The following MTMR14 variants were observed in gnomAD, a reference collection of about 807,000 sequenced individuals.
MTMR14 encodes phosphatidylinositol-3,5-bisphosphate 3-phosphatase MTMR14.
In MTMR14, 48 loss-of-function variants were observed where a neutral mutation model predicts 86.3. The observed-to-expected ratio is 0.56, with a 90% CI of 0.44 to 0.71. The LOEUF (loss-of-function observed/expected upper bound fraction) is 0.71. Ranked by LOEUF, MTMR14 falls within the 30% of genes least tolerant of loss-of-function variation. MTMR14 has a pLI of 0.00. For missense variants in MTMR14, 780 were observed against 834.6 expected, an observed-to-expected ratio of 0.93 and a Z score of 0.81; for synonymous variants, 366 against 326.1, an observed-to-expected ratio of 1.12 and a Z score of -1.32.
At chr3:9,675,637 C>A (rs781445896) in intron 7 of MTMR14, 2 of 457,310 alleles carry the variant, frequency 4.4e-6, no homozygotes, top group African/African-American at 4.0e-5. Context: ...TGGTCCCTCT[C>A]CTCTTGCCTG....
chr3:9,702,129 C>A lies in MTMR14; in HGVS notation c.*156C>A. ...TGGCAGCCCCAAAGCTGAGCAAGGCCAAAGACAGGGTTTTCCAACCCCCAG... is the reference window on the plus strand; with the variant it reads ...TGGCAGCCCCAAAGCTGAGCAAGGCAAAAGACAGGGTTTTCCAACCCCCAG... On this transcript the variant is annotated 3_prime_UTR_variant, in exon 19 of 19. Transcript: ENST00000296003. 1.0e-6 allele frequency: 1 copy of A among 977,074 alleles called. No homozygotes were observed. Among genetic ancestry groups the A allele is most frequent in the Non-Finnish European group, 1.6e-6 (1 of 640,808 alleles). The allele number at this position is 977,074 out of a possible 1,614,324, so 60.5% of individuals were successfully genotyped here.
intron 16 of MTMR14, 71 bp downstream of exon 16, chr3:9,689,153 C>G: frequency 1.3e-6 from 2 of 1,592,630 alleles, no homozygotes; most frequent in South Asian, 1.1e-5. Flanking sequence ...GGGAGCCAGG[C>G]TGGAGCCCCA....
At chr3:9,660,993 G>C (rs1442973284) in intron 2 of MTMR14, among the ~76,000 whole-genome samples, 3 of 152,194 alleles carry the variant, frequency 2.0e-5, no homozygotes, top group Non-Finnish European at 4.4e-5. Flanking sequence ...AGCGTGATTT[G>C]ATATGGGTAT....
chr3:9,669,919 G>T (rs571057048), intron 5 of MTMR14, among the ~76,000 whole-genome samples: 56 of 152,290 alleles, frequency 3.7e-4, no homozygotes, highest in African/African-American at 1.1e-3. Flanking sequence ...TAGGAGACAT[G>T]AGGTCTAGCC....
At chr3:9,676,716 G>A (rs1334218973) in intron 7 of MTMR14, among the ~76,000 whole-genome samples, 5 of 152,246 alleles carry the variant, frequency 3.3e-5, no homozygotes, top group Non-Finnish European at 7.3e-5. Context: ...CTGAGGGCTT[G>A]TCCTGGTGGA....
intron 17 of MTMR14, 21 bp from the exon 18 acceptor site, chr3:9,697,688 CCT>C (rs2076323823): frequency 4.3e-6 from 7 of 1,611,100 alleles, no homozygotes; most frequent in South Asian, 2.2e-5. Context: ...CATCCTCTCC[CCT>C]CTCTCTCCTC....
intron 5 of MTMR14, 62 bp downstream of exon 5, chr3:9,669,554 G>T: frequency 6.5e-7 from 1 of 1,548,302 alleles, no homozygotes; most frequent in South Asian, 1.2e-5. Context: ...GGCCAGAGAT[G>T]GCCATGTTCA....
intron 13 of MTMR14, 38 bp downstream of exon 13, chr3:9,685,285 C>T (rs1344858401): frequency 6.2e-7 from 1 of 1,612,316 alleles, no homozygotes; most frequent in African/African-American, 1.3e-5. Context: ...CACAGCTCAG[C>T]ACTGAAAGAG....
chr3:9,675,359 G>T (rs1205136453), intron 7 of MTMR14, among the ~76,000 whole-genome samples: 2 of 152,114 alleles, frequency 1.3e-5, no homozygotes, highest in Non-Finnish European at 2.9e-5. Flanking sequence ...ATAAGAAAAA[G>T]AAATAAAATT....
rs4021721 is a variant in MTMR14 at position 9,663,501 on chromosome 3, CT to C, written c.417+1152del. The stretch of plus-strand genomic sequence containing the variant: ...TTTTTTTTTGAGATGGAGTCTCTCT[CT>C]TTTTTTTTTTTTTTTTTTTTTTTTT... On this transcript the variant is annotated intron_variant, in intron 3 of 18. Transcript: ENST00000296003. 2.5e-3 allele frequency among the ~76,000 whole-genome samples: 174 copies of C among 69,950 alleles called. 1 individual carries two copies. The highest frequency in any genetic ancestry group is 7.0e-3 in the African/African-American group (145 of 20,728). 45.9% of individuals were successfully genotyped at this position (69,950 alleles called of 152,430 possible).
chr3:9,684,152 A>C (rs2075859879), intron 10 of MTMR14, among the ~76,000 whole-genome samples: 1 of 152,162 alleles, frequency 6.6e-6, no homozygotes, highest in South Asian at 2.1e-4. Flanking sequence ...AGGGTGGGGA[A>C]GGTAGTACTA....
chr3:9,694,982 G>C (rs1218870000), intron 17 of MTMR14, among the ~76,000 whole-genome samples: 1 of 152,194 alleles, frequency 6.6e-6, no homozygotes, highest in Admixed American at 6.5e-5. Flanking sequence ...CTGAAGCGTT[G>C]TTCAGCTCCG....
chr3:9,678,001 A>G lies in MTMR14; in HGVS notation c.840A>G (p.Pro280=), dbSNP rs2075638061. ...GTCCCCAGGACTACGTTGATGCCCC[A>G]TTGAGCATCCCCGACTTCCTGACTC... The part of the protein sequence containing the change: ...FNWKQDYVDA[P]LSIPDFLTHS... Residue 280 remains proline (P), a synonymous_variant, in exon 9 of 19, where the codon CCA becomes CCG. Coordinates refer to ENST00000296003, the MANE Select transcript of MTMR14 (RefSeq NM_001077525.3). 1 of 1,614,040 alleles carries G rather than the reference A, an allele frequency of 6.2e-7. No individual in the cohort carries two copies. The highest frequency in any genetic ancestry group is 1.3e-5 in the African/African-American group (1 of 75,022).
chr3:9,695,768 C>T lies in MTMR14; in HGVS notation c.1614-1943C>T, dbSNP rs2076264505. 1.3e-5 allele frequency among the ~76,000 whole-genome samples: 2 copies of T among 152,210 alleles called. 1 individual carries two copies. The highest frequency in any genetic ancestry group is 4.1e-4 in the South Asian group (2 of 4,828). On this transcript the variant is annotated intron_variant, in intron 17 of 18. Transcript: ENST00000296003. Reference sequence around the variant, plus strand: ...CTGGTTTTTAGCTGTTGTTTTCCCACAAGCTGCTAGAACTGGAAAAGATTC... The same window carrying T: ...CTGGTTTTTAGCTGTTGTTTTCCCATAAGCTGCTAGAACTGGAAAAGATTC...
chr3:9,657,107 G>A (rs1312112300), intron 2 of MTMR14, among the ~76,000 whole-genome samples: 2 of 151,798 alleles, frequency 1.3e-5, no homozygotes, highest in Non-Finnish European at 2.9e-5. Context: ...TAGAGACCAG[G>A]TCTCGCTGCA....
intron 3 of MTMR14, among the ~76,000 whole-genome samples, chr3:9,665,676 G>C (rs900637812): frequency 1.5e-4 from 23 of 151,932 alleles, no homozygotes; most frequent in Admixed American, 3.3e-4. Context: ...ACTCAGTTCA[G>C]CATGGTTGGT....
chr3:9,672,707 G>A lies in MTMR14; in HGVS notation c.700G>A (p.Asp234Asn), dbSNP rs952450488. 3 of 1,614,152 alleles carry A rather than the reference G, an allele frequency of 1.9e-6. No homozygotes were observed. The highest frequency in any genetic ancestry group is 2.5e-6 in the Non-Finnish European group (3 of 1,180,020). Residue 234 changes from aspartate (D) to asparagine (N), a missense_variant, in exon 7 of 19, where the codon GAC becomes AAC. Asp to Asn is a conservative substitution (Grantham distance 23). Coordinates refer to ENST00000296003, the MANE Select transcript of MTMR14 (RefSeq NM_001077525.3). ...TAGTGTAACCTCCTCTGAGAAGGTG[G>A]ACAAAGCCCAGCGCTATGCCGACTT... is the stretch of plus-strand genomic sequence containing the variant. ...GMNVTSSEKVDKAQRYADFTL... is the reference protein window; with the variant it reads ...GMNVTSSEKVNKAQRYADFTL...
At chr3:9,683,021 C>T (rs976227731) in intron 9 of MTMR14, among the ~76,000 whole-genome samples, 157 bp from the exon 10 acceptor site, 5 of 150,544 alleles carry the variant, frequency 3.3e-5, no homozygotes, top group East Asian at 2.0e-4. Flanking sequence ...AGATGGAATA[C>T]GAATGTCCCA....
rs2048511305 is a variant in MTMR14 at position 9,670,536 on chromosome 3, A to G, written c.555-512A>G. Among the ~76,000 whole-genome samples, 3 of 152,380 alleles carry G rather than the reference A, an allele frequency of 2.0e-5. No individual in the cohort carries two copies. The South Asian group carries it at 6.2e-4, about 32-fold the overall frequency. On this transcript the variant is annotated intron_variant, in intron 5 of 18. Coordinates refer to ENST00000296003, the MANE Select transcript of MTMR14 (RefSeq NM_001077525.3). ...TCTTTGCTTCATCGGCCTGCTAGGTAGAGGGAATTTACTTGCTAGTATTTC... is the reference window on the plus strand; with the variant it reads ...TCTTTGCTTCATCGGCCTGCTAGGTGGAGGGAATTTACTTGCTAGTATTTC...
Sources: allele counts gnomAD v4.1 joint callset (sites outside exome capture counted in the v4.1 genomes callset), GRCh38; gene constraint gnomAD v4.1.1; transcripts MANE v1.5; gene names NCBI Gene and HGNC (gene_info 2026-07-23, HGNC 2026-07-21).